WWOX: variants seen among roughly 807,000 people sequenced by gnomAD.
WWOX encodes the protein WW domain containing oxidoreductase.
A neutral mutation model predicts 46.2 loss-of-function variants in WWOX; 69 were observed. That is an observed-to-expected ratio of 1.49 (90% CI 1.23 to 1.82). The LOEUF (loss-of-function observed/expected upper bound fraction) is 1.82, where lower values mean the gene tolerates loss of function less well. Ranked by LOEUF, WWOX falls within the 40% of genes most tolerant of loss-of-function variation. The pLI is 0.00. For missense variants in WWOX, 919 were observed against 542.6 expected (o/e 1.69, Z -6.89); for synonymous variants, 359 against 202.6 (o/e 1.77, Z -6.56).
intron 4 of WWOX, among the ~76,000 whole-genome samples, chr16:78,122,868 G>C (rs909442675): frequency 2.6e-5 from 4 of 152,154 alleles, no homozygotes; most frequent in Non-Finnish European, 5.9e-5. Flanking sequence ...GCCTCCCAAA[G>C]TGCTAGGATT....
intron 5 of WWOX, among the ~76,000 whole-genome samples, chr16:78,314,799 G>A (rs1255369801): frequency 2.1e-5 from 3 of 139,634 alleles, no homozygotes; most frequent in East Asian, 2.3e-4. Context: ...CAAGCCACCC[G>A]CCTTGGCCTC....
intron 5 of WWOX, among the ~76,000 whole-genome samples, chr16:78,358,844 A>C (rs901085723): frequency 1.4e-5 from 2 of 146,468 alleles, no homozygotes; most frequent in Non-Finnish European, 3.0e-5. Context: ...TATATTTCAT[A>C]AAGTTGAAAT....
At chr16:78,646,452 A>C (rs1055881663) in intron 8 of WWOX, among the ~76,000 whole-genome samples, 2 of 151,838 alleles carry the variant, frequency 1.3e-5, no homozygotes, top group African/African-American at 2.4e-5. Context: ...TTTTGAGACA[A>C]AGTTTCACTC....
rs771438248 is a variant in WWOX, at chr16:79,212,510, TAAG to T, written c.*717_*719del. The T allele has an allele frequency of 4.2e-5, 8 of 191,000 alleles. No individual in the cohort carries two copies. The highest frequency in any genetic ancestry group is 7.0e-5 in the African/African-American group (3 of 42,938). The allele number at this position is 191,000 out of a possible 1,614,324, so 11.8% of individuals were successfully genotyped here. Reference sequence around the variant, plus strand: ...AGGCAGGAAGGGAAGCGTATATACTTAAGAATACACAGGATATTTTGGGGGGCA... The same window carrying T: ...AGGCAGGAAGGGAAGCGTATATACTTAATACACAGGATATTTTGGGGGGCA... On this transcript the variant is annotated 3_prime_UTR_variant, in exon 9 of 9. Transcript: ENST00000566780.
chr16:78,409,084 C>A (rs951462836), intron 6 of WWOX, among the ~76,000 whole-genome samples: 1 of 152,104 alleles, frequency 6.6e-6, no homozygotes, highest in East Asian at 1.9e-4. Flanking sequence ...ATGAGTGAGA[C>A]CCTGTTGCTA....
At position 78,574,242 on chromosome 16, in the gene WWOX, A is replaced by G. The variant is rs190474705; in HGVS notation, c.1056+141490A>G. The stretch of plus-strand genomic sequence containing the variant: ...AACAAGATGGTGTCTTACATGCCCA[A>G]TGTAATCATGGAAGCCATGTATACC... On this transcript the variant is annotated intron_variant, in intron 8 of 8. Coordinates refer to ENST00000566780, the MANE Select transcript of WWOX (RefSeq NM_016373.4). Among the ~76,000 whole-genome samples, 145 of 152,326 alleles carry G rather than the reference A, an allele frequency of 9.5e-4. 1 individual carries two copies. The highest frequency in any genetic ancestry group is 3.4e-3 in the Middle Eastern group (1 of 292).
At chr16:78,380,799 A>G (rs998302640) in intron 5 of WWOX, among the ~76,000 whole-genome samples, 1 of 152,056 alleles carries the variant, frequency 6.6e-6, no homozygotes, top group Non-Finnish European at 1.5e-5. Flanking sequence ...CCAGCCCCAA[A>G]CCACCCCCTG....
chr16:78,814,776 G>T (rs533243214), intron 8 of WWOX, among the ~76,000 whole-genome samples: 5 of 152,208 alleles, frequency 3.3e-5, no homozygotes, highest in African/African-American at 9.6e-5. Flanking sequence ...TTACAGCCAA[G>T]GCCTTCTGGT....
chr16:78,630,617 G>C (rs374266168), intron 8 of WWOX, among the ~76,000 whole-genome samples: 9 of 152,252 alleles, frequency 5.9e-5, no homozygotes, highest in African/African-American at 2.2e-4. Flanking sequence ...TTGGAATCTT[G>C]TACCTGGTTT....
chr16:78,814,066 G>A (rs527548007), intron 8 of WWOX, among the ~76,000 whole-genome samples: 1 of 152,092 alleles, frequency 6.6e-6, no homozygotes, highest in East Asian at 1.9e-4. Flanking sequence ...TACCAATACT[G>A]CCCAGGCACA....
At chr16:78,975,746 CT>C (rs2046559275) in intron 8 of WWOX, among the ~76,000 whole-genome samples, 2 of 152,132 alleles carry the variant, frequency 1.3e-5, no homozygotes, top group African/African-American at 2.4e-5. Context: ...CAATTGAGGC[CT>C]TTGGGCAAGC....
At chr16:78,500,523 G>T (rs1476429408) in intron 8 of WWOX, among the ~76,000 whole-genome samples, 1 of 151,950 alleles carries the variant, frequency 6.6e-6, no homozygotes, top group East Asian at 1.9e-4. Flanking sequence ...ACCATGAGAA[G>T]CCATAGCAAG....
intron 5 of WWOX, among the ~76,000 whole-genome samples, chr16:78,365,448 CTG>C (rs1463142806): frequency 6.6e-6 from 1 of 152,180 alleles, no homozygotes; most frequent in Non-Finnish European, 1.5e-5. Flanking sequence ...CACCAATAAA[CTG>C]TGGTTCCCAA....
intron 8 of WWOX, among the ~76,000 whole-genome samples, chr16:79,095,987 C>G (rs2049061782): frequency 6.9e-6 from 1 of 145,210 alleles, no homozygotes; most frequent in African/African-American, 2.6e-5. Context: ...GTAGCTGGGA[C>G]TACAGGCATG....
chr16:78,835,163 C>G (rs749152348), intron 8 of WWOX, among the ~76,000 whole-genome samples: 1 of 152,122 alleles, frequency 6.6e-6, no homozygotes, highest in Non-Finnish European at 1.5e-5. Flanking sequence ...GACAGCCTTG[C>G]TTTTGTCATT....
At chr16:78,609,628 T>C (rs563125812) in intron 8 of WWOX, among the ~76,000 whole-genome samples, 3 of 152,038 alleles carry the variant, frequency 2.0e-5, no homozygotes, top group Admixed American at 2.0e-4. Context: ...CTTGGGGGCT[T>C]CCTGGTCCCT....
At chr16:78,373,747 T>A (rs2151923587) in intron 5 of WWOX, among the ~76,000 whole-genome samples, 1 of 152,330 alleles carries the variant, frequency 6.6e-6, no homozygotes, top group South Asian at 2.1e-4. Context: ...CATTGTGTTT[T>A]CTTCACTACC....
chr16:78,238,189 C>G (rs2037506359), intron 5 of WWOX: 1 of 150,792 alleles, frequency 6.6e-6, no homozygotes, highest in South Asian at 2.1e-4. Flanking sequence ...CCAAAGAGAT[C>G]TGAAAAGCAA....
chr16:78,396,211 T>TA (rs1345665954), intron 6 of WWOX, among the ~76,000 whole-genome samples: 6 of 152,198 alleles, frequency 3.9e-5, no homozygotes, highest in African/African-American at 1.2e-4. Context: ...AGTTTTTTGA[T>TA]AACTTTTTAT....
Sources: allele counts gnomAD v4.1 joint callset (sites outside exome capture counted in the v4.1 genomes callset), GRCh38; gene constraint gnomAD v4.1.1; transcripts MANE v1.5; gene names NCBI Gene and HGNC (gene_info 2026-07-23, HGNC 2026-07-21).